The following COL4A3 variants were observed in gnomAD, a reference collection of about 807,000 sequenced individuals.
COL4A3 encodes collagen alpha-3(IV) chain.
A neutral mutation model predicts 217.4 loss-of-function variants in COL4A3; 135 were observed. The observed-to-expected ratio is 0.62, with a 90% confidence interval of 0.54 to 0.72. COL4A3 has a LOEUF of 0.72. Among genes scored for constraint, COL4A3 ranks in the 30% least tolerant of loss-of-function variants. The pLI, the probability that COL4A3 is intolerant of heterozygous loss-of-function variation, is 0.00. For missense variants in COL4A3, 1,868 were observed against 2,119.9 expected (o/e 0.88, Z 2.33); for synonymous variants, 690 against 736.3 (o/e 0.94, Z 1.02).
In COL4A3 at chr2:227,200,671, A is replaced by G. The variant is rs185708062; in HGVS notation, c.87+35858A>G. On this transcript the variant is annotated intron_variant, in intron 1 of 51. Transcript: ENST00000396578. The stretch of plus-strand genomic sequence containing the variant: ...CAGGGCTAAAATGTTTTGGGTCTCA[A>G]TTGCAAATTCTAGAAACTTATGCAC... Among the ~76,000 whole-genome samples the G allele has an allele frequency of 6.6e-5, 10 of 152,332 alleles. No homozygotes were observed. In the East Asian group the frequency reaches 1.7e-3, roughly 26 times the overall value.
In COL4A3 at chr2:227,314,654, T is replaced by TA. The variant is rs1389868997; in HGVS notation, c.*2785dup. On this transcript the variant is annotated 3_prime_UTR_variant, in exon 52 of 52. Transcript: ENST00000396578. ...ATATTTACTCTATAACCAAATGAAA[T>TA]ATATTTAAAATATATTGAATATTTT... 7 of 152,296 alleles carry TA rather than the reference T, an allele frequency of 4.6e-5. No homozygotes were observed. Among genetic ancestry groups the TA allele is most frequent in the Non-Finnish European group, 1.0e-4 (7 of 67,970 alleles). The allele number at this position is 152,296 out of a possible 1,614,324, so 9.4% of individuals were successfully genotyped here. A position where few individuals can be genotyped will look rare whatever the true frequency, so the allele number is the denominator to read the frequency against.
rs973991913 is a variant in COL4A3 at position 227,256,018 on chromosome 2, T to C, written c.889-8T>C. ...ACATTTCATGTTTTTGATTTGTTTT[T>C]GCTGTAGGGAAAACCCGGAAAAGAT... On this transcript the variant is annotated splice_polypyrimidine_tract_variant and splice_region_variant and intron_variant, in intron 15 of 51. Coordinates refer to ENST00000396578, the MANE Select transcript of COL4A3 (RefSeq NM_000091.5). 5 of 1,613,674 alleles carry C rather than the reference T, an allele frequency of 3.1e-6. No individual in the cohort carries two copies. In the African/African-American group the frequency reaches 5.3e-5, roughly 17 times the overall value.
chr2:227,192,079 T>C (rs60062140), intron 1 of COL4A3, among the ~76,000 whole-genome samples: 34,513 of 152,240 alleles, frequency 0.23, 4,188 homozygotes, highest in Non-Finnish European at 0.28. Flanking sequence ...TATCTCTCTG[T>C]GCTCAAGTAT....
At chr2:227,192,361 T>A (rs1365421266) in intron 1 of COL4A3, among the ~76,000 whole-genome samples, 1 of 152,242 alleles carries the variant, frequency 6.6e-6, no homozygotes, top group African/African-American at 2.4e-5. Context: ...AAATGTTAGA[T>A]GTGGTTTAGC....
rs200017859 is a variant in COL4A3, at chr2:227,303,104, G to C, written c.3949G>C (p.Val1317Leu). 6.2e-7 allele frequency: 1 copy of C among 1,613,484 alleles called. No homozygotes were observed. The highest frequency in any genetic ancestry group is 1.3e-5 in the African/African-American group (1 of 74,986). ...TCCTGGATTCCAGGGGTTTCCAGGC[G>C]TGAAAGGTACTGTTTTTGTGCATTG... ...GDPGFQGFPG[V>L]KGEKGNPGFL... Residue 1317 changes from valine to leucine, a missense_variant, in exon 44 of 52, where the codon GTG becomes CTG. Around this residue, in one of 2 missense-constraint regions of COL4A3, gnomAD observed 1,503 missense variants for 1,786.1 expected, o/e 0.84. Transcript: ENST00000396578.
intron 44 of COL4A3, among the ~76,000 whole-genome samples, chr2:227,303,492 A>G (rs1190467745): frequency 1.3e-5 from 2 of 152,246 alleles, no homozygotes; most frequent in East Asian, 3.8e-4. Flanking sequence ...ACCAAGCAAT[A>G]TAATTCACCA....
At chr2:227,293,822 G>T (rs2072897054) in intron 38 of COL4A3, 1 of 467,328 alleles carries the variant, frequency 2.1e-6, no homozygotes, top group Non-Finnish European at 4.4e-6. Context: ...CTTGTGGATG[G>T]CTATCTTCTT....
Position 227,282,286 on chromosome 2 carries a change from ATATAT to A in COL4A3, c.2489-78_2489-74del. On this transcript the variant is annotated intron_variant, in intron 31 of 51. Coordinates refer to ENST00000396578, the MANE Select transcript of COL4A3 (RefSeq NM_000091.5). This position sits in a 1 kb window ranked among gnomAD's most constrained non-coding sequence, Gnocchi z 4.4. ...GATTCCATCTTAAAAATATATATAT[ATATAT>A]ATATATATATTTCTGAAGTTAGTAG... 1.7e-6 allele frequency: 1 copy of A among 589,684 alleles called. No homozygotes were observed. Among genetic ancestry groups the A allele is most frequent in the Admixed American group, 3.5e-5 (1 of 28,346 alleles). The allele number at this position is 589,684 out of a possible 1,614,324, so 36.5% of individuals were successfully genotyped here. A position where few individuals can be genotyped will look rare whatever the true frequency, so the allele number is the denominator to read the frequency against.
chr2:227,200,233 G>A lies in COL4A3; in HGVS notation c.87+35420G>A, dbSNP rs575438282. Among the ~76,000 whole-genome samples, 4 of 151,468 alleles carry A rather than the reference G, an allele frequency of 2.6e-5. No individual in the cohort carries two copies. The East Asian group carries it at 5.9e-4, about 22-fold the overall frequency. On this transcript the variant is annotated intron_variant, in intron 1 of 51. Coordinates refer to ENST00000396578, the MANE Select transcript of COL4A3 (RefSeq NM_000091.5). ...TAGTGTGTATGTGTAGATACAATTC[G>A]AAGAAGGGACTTTTTTCCTTTAATC...
At position 227,250,386 on chromosome 2, in the gene COL4A3, A is replaced by G. The variant is rs545327647; in HGVS notation, c.547-754A>G. The stretch of plus-strand genomic sequence containing the variant: ...TAGATAGATAGATAGATAGATAGAT[A>G]TTTAAAAATTGTATGAACCAGGCAT... On this transcript the variant is annotated intron_variant, in intron 9 of 51. Transcript: ENST00000396578. The surrounding 1 kb of genome is among the most constrained non-coding windows in gnomAD (Gnocchi z 4.1). 6.1e-4 allele frequency among the ~76,000 whole-genome samples: 92 copies of G among 151,290 alleles called. No homozygotes were observed. Among genetic ancestry groups the G allele is most frequent in the Non-Finnish European group, 1.1e-3 (76 of 67,704 alleles).
Position 227,246,953 on chromosome 2 carries a change from T to A in COL4A3, c.441+215T>A, listed in dbSNP as rs551212741. 7.5e-6 allele frequency: 5 copies of A among 667,406 alleles called. No homozygotes were observed. In the East Asian group the frequency reaches 1.2e-4, roughly 16 times the overall value. 41.3% of individuals were successfully genotyped at this position (667,406 alleles called of 1,614,324 possible). A position where few individuals can be genotyped will look rare whatever the true frequency, so the allele number is the denominator to read the frequency against. On this transcript the variant is annotated intron_variant, in intron 7 of 51. Coordinates refer to ENST00000396578, the MANE Select transcript of COL4A3 (RefSeq NM_000091.5). ...TTGTTTTACTTTTGAGACATCCAAG[T>A]GGAGATGCATGAGAGGTACTTGGAT...
At chr2:227,219,904 C>T (rs1170537543) in intron 1 of COL4A3, among the ~76,000 whole-genome samples, 1 of 152,128 alleles carries the variant, frequency 6.6e-6, no homozygotes, top group Non-Finnish European at 1.5e-5. Context: ...TAGAGGTATC[C>T]TGTCCTTTGA....
intron 3 of COL4A3, among the ~76,000 whole-genome samples, chr2:227,242,543 C>T (rs989552428): frequency 6.6e-6 from 1 of 152,154 alleles, no homozygotes; most frequent in Non-Finnish European, 1.5e-5. Flanking sequence ...AAGTTTCAAG[C>T]TTCTAATCAA....
intron 1 of COL4A3, among the ~76,000 whole-genome samples, chr2:227,196,493 A>G (rs76021078): frequency 3.0e-5 from 4 of 135,430 alleles, no homozygotes; most frequent in African/African-American, 1.1e-4. Flanking sequence ...AATTTTTTGT[A>G]TTTTTAGTAG....
intron 29 of COL4A3, 66 bp from the exon 30 acceptor site, chr2:227,280,374 C>A: frequency 1.3e-6 from 2 of 1,580,026 alleles, no homozygotes; most frequent in Non-Finnish European, 1.7e-6. Flanking sequence ...GCCTCCATAA[C>A]AGAGAGTCAA....
intron 3 of COL4A3, among the ~76,000 whole-genome samples, chr2:227,242,653 G>A (rs1034588883): frequency 7.9e-5 from 12 of 151,948 alleles, no homozygotes; most frequent in African/African-American, 2.9e-4. Context: ...TTCCAAGTGA[G>A]GTCAAACACC....
chr2:227,183,851 T>C (rs1422812910), intron 1 of COL4A3, among the ~76,000 whole-genome samples: 4 of 152,164 alleles, frequency 2.6e-5, no homozygotes, highest in Admixed American at 2.6e-4. Flanking sequence ...GGAATTTAAA[T>C]CTTCAACTGA....
chr2:227,190,590 C>A lies in COL4A3; in HGVS notation c.87+25777C>A, dbSNP rs190032032. Among the ~76,000 whole-genome samples, 73 of 152,218 alleles carry A rather than the reference C, an allele frequency of 4.8e-4. 1 individual carries two copies. The highest frequency in any genetic ancestry group is 3.6e-3 in the Admixed American group (55 of 15,292). On this transcript the variant is annotated intron_variant, in intron 1 of 51. Coordinates refer to ENST00000396578, the MANE Select transcript of COL4A3 (RefSeq NM_000091.5). ...GGTTGAAATGTATCACTAATTAAAA[C>A]AAAGTGTATTAATTATTTTCTATTA...
In COL4A3 at chr2:227,289,148, A is replaced by T; in HGVS notation, c.2882-2A>T. Reference sequence around the variant, plus strand: ...TTGTTAATACCTGGTTTCTAACTTCAGGATTCGCAGGAAATCCAGGTGAGA... The same window carrying T: ...TTGTTAATACCTGGTTTCTAACTTCTGGATTCGCAGGAAATCCAGGTGAGA... On this transcript the variant is annotated splice_acceptor_variant, in intron 34 of 51. Transcript: ENST00000396578. LOFTEE classifies it high-confidence loss of function. 1 of 1,612,078 alleles carries T rather than the reference A, an allele frequency of 6.2e-7. No individual in the cohort carries two copies. Among genetic ancestry groups the T allele is most frequent in the Admixed American group, 1.7e-5 (1 of 59,830 alleles).
Sources: gnomAD v4.1 joint callset for allele counts (sites outside exome capture counted in the v4.1 genomes callset) on GRCh38, gnomAD v4.1.1 for gene constraint, gnomAD v4.1.1 regional missense constraint, Gnocchi (gnomAD v3.1) non-coding constraint, MANE v1.5 for transcripts, NCBI Gene and HGNC (gene_info 2026-07-23, HGNC 2026-07-21) for gene names.